CRYZL1: variants seen among roughly 807,000 people sequenced by gnomAD.
CRYZL1 encodes the protein ferry endosomal RAB5 effector complex subunit 4.
A neutral mutation model predicts 50.6 loss-of-function variants in CRYZL1; 34 were observed. That is an observed-to-expected ratio of 0.67 (90% CI 0.51 to 0.89). The LOEUF is 0.89. CRYZL1 is among the 40% of genes least tolerant of loss of function. The pLI, the probability that CRYZL1 is intolerant of heterozygous loss-of-function variation, is 0.00. For missense variants in CRYZL1, 354 were observed against 402.3 expected, an observed-to-expected ratio of 0.88 and a Z score of 1.03; for synonymous variants, 125 against 134.3, an observed-to-expected ratio of 0.93 and a Z score of 0.48.
At chr21:33,610,718 T>C (rs2086862569) in intron 6 of CRYZL1, among the ~76,000 whole-genome samples, 1 of 149,818 alleles carries the variant, frequency 6.7e-6, no homozygotes, top group Non-Finnish European at 1.5e-5. Context: ...GAATGGGCCT[T>C]GTTTGGTTGT....
chr21:33,595,061 A>G, intron 11 of CRYZL1: 1 of 548,648 alleles, frequency 1.8e-6, no homozygotes, highest in South Asian at 5.8e-5. Flanking sequence ...CAGTCATTTT[A>G]GAAATAAAAG....
chr21:33,592,730 G>T (rs2086655552), intron 11 of CRYZL1, among the ~76,000 whole-genome samples: 1 of 152,150 alleles, frequency 6.6e-6, no homozygotes, highest in Non-Finnish European at 1.5e-5. Context: ...CACAAGTGAG[G>T]ACTACTGTAT....
intron 1 of CRYZL1, among the ~76,000 whole-genome samples, chr21:33,638,849 A>T: frequency 6.6e-6 from 1 of 152,250 alleles, no homozygotes; most frequent in East Asian, 1.9e-4. Context: ...AGAGGGACTG[A>T]AACAGAGGAT....
At chr21:33,614,600 C>T (rs1477825107) in intron 5 of CRYZL1, among the ~76,000 whole-genome samples, 2 of 152,144 alleles carry the variant, frequency 1.3e-5, no homozygotes, top group Non-Finnish European at 2.9e-5. Context: ...GAGACAGAGT[C>T]TCGCTCTGTT....
intron 2 of CRYZL1, among the ~76,000 whole-genome samples, chr21:33,630,721 C>G (rs958447949): frequency 1.3e-5 from 2 of 152,078 alleles, no homozygotes; most frequent in African/African-American, 4.8e-5. Context: ...CTATTCACAA[C>G]AGCAAAGATA....
At chr21:33,590,945 G>T (rs962694216) in intron 12 of CRYZL1, among the ~76,000 whole-genome samples, 1 of 152,172 alleles carries the variant, frequency 6.6e-6, no homozygotes, top group African/African-American at 2.4e-5. Context: ...TTAAAGAGCA[G>T]CTATTTAAAC....
chr21:33,636,851 G>T (rs2087212222), intron 1 of CRYZL1, among the ~76,000 whole-genome samples: 2 of 152,128 alleles, frequency 1.3e-5, no homozygotes, highest in South Asian at 4.1e-4. Context: ...CTGTCGCCCA[G>T]GCTAGAGTGC....
intron 2 of CRYZL1, among the ~76,000 whole-genome samples, chr21:33,627,339 T>C (rs147702728): frequency 1.3e-5 from 2 of 152,154 alleles, no homozygotes; most frequent in Non-Finnish European, 2.9e-5. Context: ...GCTTAAGTGA[T>C]CCTCCTGCCT....
chr21:33,612,537 C>T (rs1326130868), intron 6 of CRYZL1, among the ~76,000 whole-genome samples: 1 of 152,164 alleles, frequency 6.6e-6, no homozygotes, highest in Admixed American at 6.5e-5. Flanking sequence ...GATCTGCTCG[C>T]CTCAGCGTCC....
chr21:33,628,318 T>C (rs2087093577), intron 2 of CRYZL1, among the ~76,000 whole-genome samples: 1 of 152,186 alleles, frequency 6.6e-6, no homozygotes. Flanking sequence ...TTCCATATGA[T>C]TTTTAGGATT....
At chr21:33,622,242 A>C (rs1038459023) in intron 3 of CRYZL1, among the ~76,000 whole-genome samples, 174 bp from the exon 4 acceptor site, 4 of 152,254 alleles carry the variant, frequency 2.6e-5, no homozygotes, top group Admixed American at 2.6e-4. Context: ...AAAGGGTAGG[A>C]AACCAAGAAT....
chr21:33,622,048 C>T lies in CRYZL1; in HGVS notation c.165G>A (p.Met55Ile), dbSNP rs2087009443. 2 of 1,612,674 alleles carry T rather than the reference C, an allele frequency of 1.2e-6. No homozygotes were observed. Among genetic ancestry groups the T allele is most frequent in the South Asian group, 2.2e-5 (2 of 91,008 alleles). ...INTKLLAEMK[M>I]KKDLFPVGRE... is the part of the protein sequence containing the mutation. ...TCCCAACAGGAAATAAATCCTTTTTCATCTTCATTTCTGCCAGAAGCTAAA... is the reference window on the plus strand; with the variant it reads ...TCCCAACAGGAAATAAATCCTTTTTTATCTTCATTTCTGCCAGAAGCTAAA... Residue 55 changes from methionine to isoleucine, a missense_variant, in exon 4 of 13, where the codon ATG becomes ATA. By Grantham distance (10) the Met-to-Ile change is conservative (BLOSUM62 1). Coordinates refer to ENST00000381554, the MANE Select transcript of CRYZL1 (RefSeq NM_145858.3).
At chr21:33,591,405 G>A in intron 11 of CRYZL1, 198 bp from the exon 12 acceptor site, 3 of 586,634 alleles carry the variant, frequency 5.1e-6, no homozygotes, top group Non-Finnish European at 9.1e-6. Flanking sequence ...AGTTGGTGGT[G>A]TAATAGAGCC....
chr21:33,589,888 C>G lies in CRYZL1; in HGVS notation c.984G>C (p.Glu328Asp). ...GAACAGCTTCCATGGAAACTTTTGC[C>G]TCATACAGTGGAATGGGTTCATCCA... is the stretch of plus-strand genomic sequence containing the variant. Reference protein sequence around the residue: ...PQLDEPIPLYEAKVSMEAVQK... With the variant: ...PQLDEPIPLYDAKVSMEAVQK... The change falls in exon 13 of 13, where the codon GAG becomes GAC. Residue 328 changes from glutamate to aspartate, a missense_variant. Coordinates refer to ENST00000381554, the MANE Select transcript of CRYZL1 (RefSeq NM_145858.3). 1 of 1,611,258 alleles carries G rather than the reference C, an allele frequency of 6.2e-7. No homozygotes were observed. The highest frequency in any genetic ancestry group is 8.5e-7 in the Non-Finnish European group (1 of 1,178,836).
intron 10 of CRYZL1, among the ~76,000 whole-genome samples, chr21:33,596,720 C>T (rs927532993): frequency 4.6e-5 from 7 of 151,506 alleles, no homozygotes; most frequent in East Asian, 1.9e-4. Flanking sequence ...TACACTTCAT[C>T]GTCATTGAAA....
chr21:33,624,485 G>A (rs541831449), intron 3 of CRYZL1, among the ~76,000 whole-genome samples, 198 bp downstream of exon 3: 21 of 152,130 alleles, frequency 1.4e-4, no homozygotes, highest in Non-Finnish European at 2.9e-4. Context: ...GGAGGCAGAG[G>A]TTGCAGTGAG....
At chr21:33,611,531 G>A (rs1185316630) in intron 6 of CRYZL1, among the ~76,000 whole-genome samples, 1 of 152,192 alleles carries the variant, frequency 6.6e-6, no homozygotes, top group Non-Finnish European at 1.5e-5. Context: ...GGACTTAACT[G>A]AGTAAGATTA....
intron 4 of CRYZL1, among the ~76,000 whole-genome samples, chr21:33,620,422 T>G (rs952435700): frequency 1.3e-5 from 2 of 152,168 alleles, no homozygotes; most frequent in African/African-American, 4.8e-5. Flanking sequence ...ATATGATTAC[T>G]TGTGGATTTA....
At chr21:33,613,386 G>C (rs1353940981) in intron 6 of CRYZL1, 152 bp downstream of exon 6, 1 of 545,676 alleles carries the variant, frequency 1.8e-6, no homozygotes, top group African/African-American at 1.9e-5. Flanking sequence ...GTATTCACAT[G>C]ACCAGCCAAC....
Sources: allele counts gnomAD v4.1 joint callset (sites outside exome capture counted in the v4.1 genomes callset), GRCh38; gene constraint gnomAD v4.1.1; transcripts MANE v1.5; gene names NCBI Gene and HGNC (gene_info 2026-07-23, HGNC 2026-07-21).